Variants in SPEF2 observed in about 807,000 individuals in gnomAD.
The protein encoded by SPEF2 is sperm flagella and cilia-associated protein 2.
A neutral mutation model predicts 224.6 loss-of-function variants in SPEF2; 187 were observed. That is an observed-to-expected ratio of 0.83 (90% confidence interval 0.74 to 0.94). The LOEUF is 0.94. Ranked by LOEUF, SPEF2 falls within the 40% of genes least tolerant of loss-of-function variation. SPEF2 has a pLI of 0.00. For synonymous variants in SPEF2, 715 were observed against 707.3 expected (o/e 1.01, Z -0.17); for missense variants, 2,170 against 2,135.6 (o/e 1.02, Z -0.32).
At chr5:35,800,224 T>C in intron 34 of SPEF2, 77 bp downstream of exon 34, 2 of 1,460,318 alleles carry the variant, frequency 1.4e-6, no homozygotes, top group Non-Finnish European at 1.9e-6. Flanking sequence ...CAACAAGGAC[T>C]CTATTATTTT....
At chr5:35,701,330 G>T (rs7709794) in intron 16 of SPEF2, among the ~76,000 whole-genome samples, 81,545 of 152,036 alleles carry the variant, frequency 0.54, 22,291 homozygotes, top group African/African-American at 0.56. Flanking sequence ...TTCTTACATA[G>T]AAGGTATTTG....
chr5:35,739,760 G>T (rs1215192749), intron 21 of SPEF2, among the ~76,000 whole-genome samples, 159 bp from the exon 22 acceptor site: 1 of 152,202 alleles, frequency 6.6e-6, no homozygotes, highest in African/African-American at 2.4e-5. Flanking sequence ...GCTGGAGTGG[G>T]AGGCGTGTGA....
intron 25 of SPEF2, among the ~76,000 whole-genome samples, chr5:35,761,009 GA>G (rs1751216021): frequency 6.6e-6 from 1 of 151,932 alleles, no homozygotes; most frequent in Admixed American, 6.6e-5. Context: ...AGGGGAAAAA[GA>G]AAGTCAAGTT....
intron 30 of SPEF2, chr5:35,789,741 T>C (rs1755693975): frequency 1.5e-6 from 1 of 683,670 alleles, no homozygotes; most frequent in Non-Finnish European, 2.6e-6. Context: ...CCTATTATTC[T>C]CCCATGGTCT....
At chr5:35,628,360 T>A (rs1201159645) in intron 1 of SPEF2, 100 bp from the exon 2 acceptor site, 1 of 637,320 alleles carries the variant, frequency 1.6e-6, no homozygotes, top group African/African-American at 1.9e-5. Flanking sequence ...TGAGTTCCAG[T>A]TAAATTGTGT....
At chr5:35,712,554 A>G (rs1741382747) in intron 19 of SPEF2, among the ~76,000 whole-genome samples, 1 of 152,222 alleles carries the variant, frequency 6.6e-6, no homozygotes, top group Non-Finnish European at 1.5e-5. Context: ...ATCCACTACC[A>G]AATGTTTATA....
At chr5:35,687,301 A>G (rs966433855) in intron 10 of SPEF2, among the ~76,000 whole-genome samples, 7 of 152,070 alleles carry the variant, frequency 4.6e-5, no homozygotes, top group Non-Finnish European at 8.8e-5. Flanking sequence ...TGGAATCTAT[A>G]TTTTTGCACA....
intron 30 of SPEF2, chr5:35,789,812 A>C (rs1403646499): frequency 1.4e-6 from 1 of 702,374 alleles, no homozygotes; most frequent in Non-Finnish European, 2.6e-6. Context: ...ATTTGGAGAA[A>C]AAGAGGTATC....
intron 30 of SPEF2, chr5:35,791,192 C>G (rs1196068527): frequency 6.6e-6 from 1 of 152,122 alleles, no homozygotes. Context: ...GGAAAATGCT[C>G]TCATGTCTAT....
rs73080278 is a variant in SPEF2, at chr5:35,670,946, A to G, written c.1524+719A>G. ...ACTTCATGTTGGATGCATATAATACATATCCATTTCTTTCCTCACCATCCT... is the reference window on the plus strand; with the variant it reads ...ACTTCATGTTGGATGCATATAATACGTATCCATTTCTTTCCTCACCATCCT... On this transcript the variant is annotated intron_variant, in intron 10 of 36. Transcript: ENST00000356031. 5.5e-4 allele frequency: 540 copies of G among 985,394 alleles called. 5 individuals carry two copies. The African/African-American group carries it at 8.9e-3, about 16-fold the overall frequency. The allele number at this position is 985,394 out of a possible 1,614,324, so 61.0% of individuals were successfully genotyped here. A position where few individuals can be genotyped will look rare whatever the true frequency, so the allele number is the denominator to read the frequency against.
chr5:35,629,278 C>T (rs531734770), intron 2 of SPEF2, among the ~76,000 whole-genome samples: 439 of 151,046 alleles, frequency 2.9e-3, no homozygotes, highest in South Asian at 6.9e-3. Flanking sequence ...CTCAGCCTCC[C>T]GAGTAGCTGG....
chr5:35,754,949 C>G (rs959763531), intron 24 of SPEF2, among the ~76,000 whole-genome samples: 6 of 152,370 alleles, frequency 3.9e-5, no homozygotes, highest in Middle Eastern at 3.4e-3. Context: ...AGGACCAATA[C>G]ATGCTGGTAC....
chr5:35,641,807 G>A, intron 3 of SPEF2, 124 bp downstream of exon 3: 3 of 1,002,032 alleles, frequency 3.0e-6, no homozygotes, highest in East Asian at 2.6e-5. Flanking sequence ...TATGTTACTG[G>A]CCATACTTGG....
intron 13 of SPEF2, 94 bp downstream of exon 13, chr5:35,694,457 A>G (rs755233262): frequency 2.3e-4 from 262 of 1,152,660 alleles, no homozygotes; most frequent in Middle Eastern, 2.0e-4. Context: ...TCAGGGAAAT[A>G]AACGGGAACC....
At chr5:35,719,638 T>C (rs1743250481) in intron 20 of SPEF2, among the ~76,000 whole-genome samples, 1 of 152,034 alleles carries the variant, frequency 6.6e-6, no homozygotes, top group South Asian at 2.1e-4. Context: ...CTTTTTTTTT[T>C]TGAGATGGAG....
chr5:35,763,742 T>G, intron 26 of SPEF2, 40 bp downstream of exon 26: 1 of 1,545,294 alleles, frequency 6.5e-7, no homozygotes. Flanking sequence ...GTAATACACA[T>G]TCATTAAGTA....
At chr5:35,640,338 A>G (rs909117037) in intron 2 of SPEF2, among the ~76,000 whole-genome samples, 1 of 152,174 alleles carries the variant, frequency 6.6e-6, no homozygotes, top group Non-Finnish European at 1.5e-5. Flanking sequence ...TGAGCAAAGC[A>G]CACAGGACTC....
In SPEF2 at chr5:35,807,111, A is replaced by C. The variant is rs780547776; in HGVS notation, c.5257-20A>C. 1.9e-6 allele frequency: 3 copies of C among 1,597,600 alleles called. No individual in the cohort carries two copies. Among genetic ancestry groups the C allele is most frequent in the Non-Finnish European group, 2.6e-6 (3 of 1,175,990 alleles). On this transcript the variant is annotated intron_variant, in intron 35 of 36. Coordinates refer to ENST00000356031, the MANE Select transcript of SPEF2 (RefSeq NM_024867.4). ...CTGGATTGTGAGGTTGATTAACTTC[A>C]TTTTTTTTCTTCCTTAAAGGGCTTC...
intron 7 of SPEF2, among the ~76,000 whole-genome samples, chr5:35,656,043 CTT>C (rs978922035): frequency 2.6e-5 from 4 of 152,046 alleles, no homozygotes; most frequent in Non-Finnish European, 2.9e-5. Flanking sequence ...ATCAATAAGA[CTT>C]ATTGATTCAT....
Sources: allele counts gnomAD v4.1 joint callset (sites outside exome capture counted in the v4.1 genomes callset), GRCh38; gene constraint gnomAD v4.1.1; transcripts MANE v1.5; gene names NCBI Gene and HGNC (gene_info 2026-07-23, HGNC 2026-07-21).